F11R: variants seen among roughly 807,000 people sequenced by gnomAD.
The protein encoded by F11R is F11 receptor.
In F11R, 27 loss-of-function variants were observed where a neutral mutation model predicts 39.3. The observed-to-expected ratio is 0.69, with a 90% confidence interval of 0.51 to 0.95. The LOEUF (loss-of-function observed/expected upper bound fraction) is 0.95. Ranked by LOEUF, F11R falls within the 40% of genes least tolerant of loss-of-function variation. The pLI, the probability that F11R is intolerant of heterozygous loss-of-function variation, is 0.00. For synonymous variants in F11R, 131 were observed against 144.9 expected (o/e 0.90, Z 0.69); for missense variants, 335 against 372.7 (o/e 0.90, Z 0.83).
intron 3 of F11R, 107 bp downstream of exon 3, chr1:161,000,912 AG>A: frequency 6.8e-7 from 1 of 1,462,626 alleles, no homozygotes; most frequent in Non-Finnish European, 9.5e-7. Context: ...TGAGGACTTC[AG>A]CCCCAGGGTG....
intron 1 of F11R, among the ~76,000 whole-genome samples, chr1:161,007,972 C>T (rs369354570): frequency 4.6e-5 from 7 of 152,290 alleles, no homozygotes; most frequent in South Asian, 4.1e-4. Context: ...CATATTTTCC[C>T]GTGCCTCTTC....
chr1:161,001,787 G>A (rs1359190235), intron 1 of F11R, among the ~76,000 whole-genome samples: 1 of 152,226 alleles, frequency 6.6e-6, no homozygotes, highest in Non-Finnish European at 1.5e-5. Flanking sequence ...GCAGAGCCAT[G>A]ATGAGGATAA....
At chr1:161,017,357 A>G (rs1317484973) in intron 1 of F11R, among the ~76,000 whole-genome samples, 1 of 152,236 alleles carries the variant, frequency 6.6e-6, no homozygotes, top group African/African-American at 2.4e-5. Flanking sequence ...GGGCAATGGA[A>G]TGTCTCGGTA....
At position 160,998,634 on chromosome 1, in the gene F11R, G is replaced by T; in HGVS notation, c.*237C>A. On this transcript the variant is annotated 3_prime_UTR_variant, in exon 10 of 10. Transcript: ENST00000368026. ...CTTCCTGATCCCTCAAAGAAATGGGGAATAAACACTTTAAACAAGTTCCAG... is the reference window on the plus strand; with the variant it reads ...CTTCCTGATCCCTCAAAGAAATGGGTAATAAACACTTTAAACAAGTTCCAG... The T allele has an allele frequency of 1.7e-6, 1 of 596,464 alleles. No homozygotes were observed. The highest frequency in any genetic ancestry group is 2.8e-5 in the East Asian group (1 of 36,186). 36.9% of individuals were successfully genotyped at this position (596,464 alleles called of 1,614,324 possible). A position where few individuals can be genotyped will look rare whatever the true frequency, so the allele number is the denominator to read the frequency against.
intron 1 of F11R, among the ~76,000 whole-genome samples, chr1:161,004,976 C>T (rs2779794): frequency 0.027 from 4,141 of 151,554 alleles, 182 homozygotes; most frequent in African/African-American, 0.093. Context: ...GCTTGGCCAA[C>T]GTGGCGAAAT....
intron 3 of F11R, 108 bp from the exon 4 acceptor site, chr1:161,000,885 G>A: frequency 6.6e-7 from 1 of 1,507,102 alleles, no homozygotes; most frequent in South Asian, 1.2e-5. Flanking sequence ...CCCCCAGAAA[G>A]GGGGGTAGGA....
At chr1:161,003,342 C>T (rs867032969) in intron 1 of F11R, among the ~76,000 whole-genome samples, 38 of 151,944 alleles carry the variant, frequency 2.5e-4, no homozygotes, top group African/African-American at 8.9e-4. Context: ...AGGCTGGTCT[C>T]GAACTCCCGA....
intron 1 of F11R, among the ~76,000 whole-genome samples, chr1:161,005,941 C>A (rs1648778904): frequency 6.6e-6 from 1 of 151,986 alleles, no homozygotes; most frequent in Non-Finnish European, 1.5e-5. Flanking sequence ...GAGTTTGAAA[C>A]CAGCCTGGCC....
intron 1 of F11R, among the ~76,000 whole-genome samples, chr1:161,017,207 G>C (rs1649513564): frequency 6.6e-6 from 1 of 152,176 alleles, no homozygotes; most frequent in Non-Finnish European, 1.5e-5. Flanking sequence ...CTGAAATATG[G>C]CCTCGTGGGA....
At chr1:161,016,075 C>T (rs923067843) in intron 1 of F11R, among the ~76,000 whole-genome samples, 3 of 152,040 alleles carry the variant, frequency 2.0e-5, no homozygotes, top group Non-Finnish European at 4.4e-5. Flanking sequence ...CAGGGGTTCA[C>T]GCCTGTAATC....
At chr1:161,017,686 G>C (rs909307409) in intron 1 of F11R, among the ~76,000 whole-genome samples, 7 of 152,166 alleles carry the variant, frequency 4.6e-5, no homozygotes, top group Admixed American at 4.6e-4. Context: ...CTGAACGCTG[G>C]TTCCCCGGGT....
intron 1 of F11R, among the ~76,000 whole-genome samples, chr1:161,011,521 G>T (rs1363076460): frequency 1.3e-5 from 2 of 152,058 alleles, no homozygotes; most frequent in African/African-American, 4.8e-5. Context: ...AGGTGGTCAG[G>T]AGTTCAGGAC....
chr1:161,017,124 CACTGCGG>C (rs1649507735), intron 1 of F11R, among the ~76,000 whole-genome samples: 1 of 152,098 alleles, frequency 6.6e-6, no homozygotes, highest in Non-Finnish European at 1.5e-5. Context: ...GGGACAAAAA[CACTGCGG>C]AAGGCCGCAG....
At chr1:161,016,367 T>C (rs1448886453) in intron 1 of F11R, among the ~76,000 whole-genome samples, 2 of 152,046 alleles carry the variant, frequency 1.3e-5, no homozygotes, top group Admixed American at 1.3e-4. Context: ...TCCCAGCTAC[T>C]CAGGAGGCTG....
intron 1 of F11R, among the ~76,000 whole-genome samples, chr1:161,013,163 G>C (rs574521358): frequency 2.0e-5 from 3 of 151,730 alleles, no homozygotes; most frequent in Admixed American, 1.3e-4. Context: ...AAGAGGAGGA[G>C]GGGGAAAAGG....
intron 1 of F11R, among the ~76,000 whole-genome samples, chr1:161,002,990 G>A (rs1033239442): frequency 1.5e-5 from 2 of 136,540 alleles, no homozygotes; most frequent in African/African-American, 5.5e-5. Context: ...TTTCACTCCT[G>A]TTGCCCAGGC....
chr1:161,001,326 A>G lies in F11R; in HGVS notation c.92T>C (p.Val31Ala). Reference protein sequence around the residue: ...LCSLALGSVTVHSSEPEVRIP... With the variant: ...LCSLALGSVTAHSSEPEVRIP... ...TCTGACTTCAGGTTCAGAAGAGTGC[A>G]CTGTAACACTGCCCAATGCCAGGGA... Residue 31 changes from valine (V) to alanine (A), a missense_variant, in exon 2 of 10, where the codon GTG becomes GCG. Val to Ala is a moderately conservative substitution (Grantham distance 64). Transcript: ENST00000368026. 1 of 1,614,088 alleles carries G rather than the reference A, an allele frequency of 6.2e-7. No individual in the cohort carries two copies. The highest frequency in any genetic ancestry group is 8.5e-7 in the Non-Finnish European group (1 of 1,180,010).
intron 1 of F11R, among the ~76,000 whole-genome samples, chr1:161,018,747 C>G (rs1426116684): frequency 1.3e-5 from 2 of 152,144 alleles, no homozygotes; most frequent in East Asian, 3.8e-4. Flanking sequence ...CTCCCCTCCC[C>G]CAACCCAACC....
chr1:161,001,776 G>T (rs1452385518), intron 1 of F11R, among the ~76,000 whole-genome samples: 1 of 152,182 alleles, frequency 6.6e-6, no homozygotes, highest in Non-Finnish European at 1.5e-5. Flanking sequence ...GGAAGGGAAG[G>T]GCAGAGCCAT....
Sources: allele counts gnomAD v4.1 joint callset (sites outside exome capture counted in the v4.1 genomes callset), GRCh38; gene constraint gnomAD v4.1.1; transcripts MANE v1.5; gene names NCBI Gene and HGNC (gene_info 2026-07-23, HGNC 2026-07-21).